The following ADD3 variants were observed in gnomAD, a reference collection of about 807,000 sequenced individuals.
ADD3 encodes the protein adducin 3.
In ADD3, 25 loss-of-function variants were observed where a neutral mutation model predicts 80.2. The ratio of observed to expected loss-of-function variants is 0.31; its 90% CI spans 0.23 to 0.44. The LOEUF (loss-of-function observed/expected upper bound fraction) is 0.44. Among genes scored for constraint, ADD3 ranks in the 20% least tolerant of loss-of-function variants. ADD3 has a pLI of 1.00. For synonymous variants in ADD3, 284 were observed against 289.6 expected (o/e 0.98, Z 0.20); for missense variants, 829 against 847.5 (o/e 0.98, Z 0.27).
chr10:110,050,828 A>G (rs532972144), intron 1 of ADD3, among the ~76,000 whole-genome samples: 4 of 152,228 alleles, frequency 2.6e-5, no homozygotes, highest in Non-Finnish European at 5.9e-5. Context: ...ACCCAGTGTC[A>G]GGTATGTTTT....
chr10:110,122,233 C>T lies in ADD3; in HGVS notation c.1084C>T (p.Gln362Ter). Residue 362 changes from glutamine (Q) to a stop codon, truncating the protein, a stop_gained, in exon 9 of 15, where the codon CAA becomes TAA. Coordinates refer to ENST00000356080, the MANE Select transcript of ADD3 (RefSeq NM_016824.5). LOFTEE classifies it high-confidence loss of function. ...GGGGVNMGSH[Q>*]KWKVGEIEFE... ...AGGAGGTGTGAATATGGGTTCCCATCAAAAATGGAAGGTTGGCGAAATTGA... is the reference window on the plus strand; with the variant it reads ...AGGAGGTGTGAATATGGGTTCCCATTAAAAATGGAAGGTTGGCGAAATTGA... The T allele has an allele frequency of 6.2e-7, 1 of 1,614,036 alleles. No homozygotes were observed. The highest frequency in any genetic ancestry group is 8.5e-7 in the Non-Finnish European group (1 of 1,179,970).
In ADD3 at chr10:110,022,138, T is replaced by A. The variant is rs541831786; in HGVS notation, c.-30+13839T>A. Reference sequence around the variant, plus strand: ...CTTGATAACTCAGGGGTGAGTCTAATTTTTTTTTTAACACTTGATTTTGTC... The same window carrying A: ...CTTGATAACTCAGGGGTGAGTCTAAATTTTTTTTTAACACTTGATTTTGTC... On this transcript the variant is annotated intron_variant, in intron 1 of 14. Transcript: ENST00000356080. Among the ~76,000 whole-genome samples the A allele has an allele frequency of 7.7e-3, 1,111 of 144,412 alleles. 9 individuals are homozygous for A. Among genetic ancestry groups the A allele is most frequent in the African/African-American group, 0.025 (1,025 of 40,734 alleles). 94.7% of individuals were successfully genotyped at this position (144,412 alleles called of 152,430 possible).
At chr10:110,116,535 C>A in intron 4 of ADD3, 125 bp downstream of exon 4, 1 of 918,110 alleles carries the variant, frequency 1.1e-6, no homozygotes, top group Non-Finnish European at 1.6e-6. Flanking sequence ...TGCTAGATCA[C>A]AACCAAATAC....
Position 110,102,416 on chromosome 10 carries a change from C to T in ADD3, c.195+1568C>T, listed in dbSNP as rs1848922102. 2.0e-5 allele frequency among the ~76,000 whole-genome samples: 3 copies of T among 152,094 alleles called. No homozygotes were observed. In the South Asian group the frequency reaches 6.2e-4, roughly 32 times the overall value. On this transcript the variant is annotated intron_variant, in intron 2 of 14. Transcript: ENST00000356080. ...TTGAGCCTAGGAGTTTGAGACGAGC[C>T]TGGGCAACATAGTGAGACCCAGTCT...
intron 1 of ADD3, among the ~76,000 whole-genome samples, chr10:110,072,139 G>T (rs930392248): frequency 6.6e-6 from 1 of 152,230 alleles, no homozygotes; most frequent in Non-Finnish European, 1.5e-5. Flanking sequence ...TCGGCTCACT[G>T]CAAGCTCCGC....
chr10:110,100,766 A>G lies in ADD3; in HGVS notation c.113A>G (p.Glu38Gly). ...INENDPEYIR[E>G]RNMSPDLRQD... ...GAAAATGACCCAGAATACATTAGGG[A>G]GAGGAACATGTCTCCTGATCTACGA... The change falls in exon 2 of 15, where the codon GAG (glutamate) becomes GGG (glycine). Residue 38 changes from glutamate (E) to glycine (G), a missense_variant. Transcript: ENST00000356080. The G allele has an allele frequency of 6.2e-7, 1 of 1,613,972 alleles. No individual in the cohort carries two copies. The highest frequency in any genetic ancestry group is 8.5e-7 in the Non-Finnish European group (1 of 1,179,924).
At position 110,039,836 on chromosome 10, in the gene ADD3, A is replaced by G. The variant is rs577366547; in HGVS notation, c.-30+31537A>G. On this transcript the variant is annotated intron_variant, in intron 1 of 14. Transcript: ENST00000356080. ...CGCTCTTGGTTGTTAGCAATGCCAT[A>G]GTTCCTCATGAGCTTATGGTGGAGA... 2.0e-4 allele frequency among the ~76,000 whole-genome samples: 30 copies of G among 152,322 alleles called. No homozygotes were observed. The South Asian group carries it at 2.3e-3, about 12-fold the overall frequency.
In ADD3 at chr10:110,135,062, T is replaced by C. The variant is rs1372238266; in HGVS notation, c.*1444T>C. 1 of 152,236 alleles carries C rather than the reference T, an allele frequency of 6.6e-6. No homozygotes were observed. The highest frequency in any genetic ancestry group is 1.9e-4 in the East Asian group (1 of 5,204). The allele number at this position is 152,236 out of a possible 1,614,324, so 9.4% of individuals were successfully genotyped here. ...GTGGGTAAAAATAACTCAAAGTGTT[T>C]CTTAAGGGTGAGTTGGCATGCAAAA... is the stretch of plus-strand genomic sequence containing the variant. On this transcript the variant is annotated 3_prime_UTR_variant, in exon 15 of 15. Transcript: ENST00000356080.
rs1851591771 is a variant in ADD3 at position 110,122,184 on chromosome 10, T to A, written c.1035T>A (p.Thr345=). 1 of 1,614,186 alleles carries A rather than the reference T, an allele frequency of 6.2e-7. No individual in the cohort carries two copies. Among genetic ancestry groups the A allele is most frequent in the African/African-American group, 1.3e-5 (1 of 75,050 alleles). ...ACTTTCAGAAGTATAAAGCTTTCAC[T>A]TACACTGTAGCAGCGTCTGGTGGAG... ...VLDFQKYKAF[T]YTVAASGGGG... Residue 345 remains threonine (T), a synonymous_variant, in exon 9 of 15, where the codon ACT becomes ACA. Transcript: ENST00000356080.
intron 1 of ADD3, among the ~76,000 whole-genome samples, chr10:110,081,633 A>G (rs1004818291): frequency 3.3e-5 from 5 of 152,176 alleles, no homozygotes; most frequent in African/African-American, 9.7e-5. Flanking sequence ...TGCTTGGACT[A>G]ATTAATTGAG....
At chr10:110,020,272 C>T (rs1306526153) in intron 1 of ADD3, among the ~76,000 whole-genome samples, 1 of 152,106 alleles carries the variant, frequency 6.6e-6, no homozygotes, top group Non-Finnish European at 1.5e-5. Flanking sequence ...GACAAGTCCT[C>T]CTGCCCTAAT....
At chr10:110,132,177 T>G (rs749374368) in intron 13 of ADD3, 128 bp from the exon 14 acceptor site, 6 of 623,490 alleles carry the variant, frequency 9.6e-6, no homozygotes, top group Non-Finnish European at 1.7e-5. Flanking sequence ...GTTAGCATGC[T>G]CAGCTCACTG....
At chr10:110,004,923 T>C (rs1851569870), upstream of ADD3, among the ~76,000 whole-genome samples, 1 of 152,224 alleles carries the variant, frequency 6.6e-6, no homozygotes, top group Non-Finnish European at 1.5e-5. Context: ...CAGATTCATA[T>C]GCACTTAGAG....
At chr10:110,048,439 A>T (rs569385524) in intron 1 of ADD3, among the ~76,000 whole-genome samples, 1 of 152,234 alleles carries the variant, frequency 6.6e-6, no homozygotes, top group Non-Finnish European at 1.5e-5. Flanking sequence ...GAGGGCTCAG[A>T]AGAAGACAGG....
At chr10:110,018,380 T>C (rs531725737) in intron 1 of ADD3, among the ~76,000 whole-genome samples, 96 of 151,538 alleles carry the variant, frequency 6.3e-4, no homozygotes, top group East Asian at 1.4e-3. Flanking sequence ...ATATAAAAAT[T>C]AGCCAGGTAT....
rs34106955 is a variant in ADD3, at chr10:110,134,330, C to CAAAAAA, written c.*724_*729dup. 7.3e-6 allele frequency: 1 copy of CAAAAAA among 137,322 alleles called. No homozygotes were observed. The highest frequency in any genetic ancestry group is 1.6e-5 in the Non-Finnish European group (1 of 61,134). The allele number at this position is 137,322 out of a possible 1,614,324, so 8.5% of individuals were successfully genotyped here. On this transcript the variant is annotated 3_prime_UTR_variant, in exon 15 of 15. Transcript: ENST00000356080. ...CATGGGTTATTTAGTTTAACTCTGG[C>CAAAAAA]AAAAAAAAAAAAAAAAATTTTGTAT...
intron 1 of ADD3, among the ~76,000 whole-genome samples, chr10:110,059,710 A>G (rs1267507310): frequency 1.3e-5 from 2 of 152,214 alleles, no homozygotes; most frequent in Admixed American, 1.3e-4. Flanking sequence ...CGGAGGTTGC[A>G]GTGAGCCAAG....
At chr10:110,050,752 A>T (rs1256994210) in intron 1 of ADD3, among the ~76,000 whole-genome samples, 1 of 152,064 alleles carries the variant, frequency 6.6e-6, no homozygotes, top group Non-Finnish European at 1.5e-5. Context: ...CTTTCAAGTG[A>T]TCTGCCCATC....
At chr10:110,045,887 CAA>C (rs977805421) in intron 1 of ADD3, among the ~76,000 whole-genome samples, 27 of 152,118 alleles carry the variant, frequency 1.8e-4, no homozygotes, top group Non-Finnish European at 1.5e-4. Context: ...GCCGTGAGCT[CAA>C]GTGTTAGGAC....
Sources: gnomAD v4.1 joint callset for allele counts (sites outside exome capture counted in the v4.1 genomes callset) on GRCh38, gnomAD v4.1.1 for gene constraint, MANE v1.5 for transcripts, NCBI Gene and HGNC (gene_info 2026-07-23, HGNC 2026-07-21) for gene names.